The following SNTG2 variants were observed in gnomAD, a reference collection of about 807,000 sequenced individuals.
SNTG2 encodes gamma-2-syntrophin.
SNTG2 carries 74 observed loss-of-function variants against 70.9 expected under a neutral mutation model. The observed-to-expected ratio is 1.04, with a 90% CI of 0.86 to 1.27. SNTG2 has a LOEUF of 1.27. SNTG2 is among the 50% of genes most tolerant of loss of function. SNTG2 has a pLI of 0.00. For synonymous variants in SNTG2, 278 were observed against 273.8 expected (o/e 1.02, Z -0.15); for missense variants, 717 against 690.7 (o/e 1.04, Z -0.43).
At chr2:1,352,578 C>CT (rs1403433233) in intron 16 of SNTG2, among the ~76,000 whole-genome samples, 1 of 152,248 alleles carries the variant, frequency 6.6e-6, no homozygotes, top group Non-Finnish European at 1.5e-5. Context: ...CCAGGAAATG[C>CT]TGTCTCTGCA....
At chr2:992,435 C>T (rs1156680985) in intron 1 of SNTG2, among the ~76,000 whole-genome samples, 1 of 152,012 alleles carries the variant, frequency 6.6e-6, no homozygotes, top group African/African-American at 2.4e-5. Context: ...TTAGTTTTGG[C>T]ACCCTCAGGA....
chr2:1,072,357 T>C (rs1226678661), intron 1 of SNTG2, among the ~76,000 whole-genome samples: 1 of 147,716 alleles, frequency 6.8e-6, no homozygotes, highest in African/African-American at 2.5e-5. Context: ...TTCTTTTTTT[T>C]TTTTTTTTAC....
rs147548812 is a variant in SNTG2, at chr2:954,502, C to G, written c.72+3434C>G. Among the ~76,000 whole-genome samples the G allele has an allele frequency of 8.0e-3, 1,213 of 152,280 alleles. 16 individuals are homozygous for G. The highest frequency in any genetic ancestry group is 0.027 in the African/African-American group (1,116 of 41,546). ...GTGTGTACTTGTCATTGTTGTCCAG[C>G]TGGTTACCGCATGTTGTCATGACTG... On this transcript the variant is annotated intron_variant, in intron 1 of 16. Transcript: ENST00000308624.
At chr2:1,364,728 TA>T (rs1438055806) in intron 16 of SNTG2, among the ~76,000 whole-genome samples, 2 of 76,328 alleles carry the variant, frequency 2.6e-5, no homozygotes, top group Non-Finnish European at 5.1e-5. Context: ...CCATCTCTAC[TA>T]AAAATACCAA....
intron 7 of SNTG2, among the ~76,000 whole-genome samples, chr2:1,169,126 C>T (rs982591071): frequency 5.3e-5 from 8 of 152,152 alleles, no homozygotes; most frequent in Non-Finnish European, 1.2e-4. Context: ...TGAGTGTCTG[C>T]AGATTCTGCA....
rs200657174 is a variant in SNTG2, at chr2:1,120,620, T to TA, written c.326-16998dup. Among the ~76,000 whole-genome samples the TA allele has an allele frequency of 9.3e-3, 1,415 of 152,204 alleles. 16 individuals are homozygous for TA. The highest frequency in any genetic ancestry group is 0.014 in the Admixed American group (216 of 15,294). On this transcript the variant is annotated intron_variant, in intron 4 of 16. Coordinates refer to ENST00000308624, the MANE Select transcript of SNTG2 (RefSeq NM_018968.4). ...AGGGGTAGTTAAACTTAACATCTGA[T>TA]AAAACAGACTTTAAATCAAACTGGT...
chr2:1,207,745 C>T (rs1380312099), intron 8 of SNTG2, among the ~76,000 whole-genome samples: 1 of 152,172 alleles, frequency 6.6e-6, no homozygotes, highest in Non-Finnish European at 1.5e-5. Context: ...GGGGAACCGC[C>T]CCCCGTCTCC....
intron 8 of SNTG2, among the ~76,000 whole-genome samples, chr2:1,193,067 G>A (rs146573126): frequency 1.5e-3 from 234 of 152,308 alleles, no homozygotes; most frequent in African/African-American, 5.2e-3. Flanking sequence ...GAGGATGCCC[G>A]CGGCATGGCA....
intron 16 of SNTG2, among the ~76,000 whole-genome samples, chr2:1,356,299 T>G (rs145958907): frequency 6.6e-6 from 1 of 152,376 alleles, no homozygotes; most frequent in East Asian, 1.9e-4. Context: ...TGTTTTCTTC[T>G]AGAAATTTTA....
intron 1 of SNTG2, among the ~76,000 whole-genome samples, chr2:995,807 T>C (rs187574156): frequency 1.3e-5 from 2 of 152,186 alleles, no homozygotes; most frequent in Non-Finnish European, 2.9e-5. Flanking sequence ...CGCACTTTCT[T>C]TGACTTATTA....
chr2:1,173,657 C>A (rs1468403729), intron 8 of SNTG2, among the ~76,000 whole-genome samples: 3 of 152,268 alleles, frequency 2.0e-5, no homozygotes, highest in Non-Finnish European at 4.4e-5. Context: ...CTCCCTGGGA[C>A]ATGGGGCTCC....
chr2:1,316,506 C>A, intron 16 of SNTG2, 131 bp downstream of exon 16: 1 of 541,696 alleles, frequency 1.8e-6, no homozygotes, highest in Non-Finnish European at 3.3e-6. Flanking sequence ...AAGCACGAGT[C>A]CTTCCTGAAA....
chr2:1,099,918 A>G (rs1030498381), intron 4 of SNTG2, among the ~76,000 whole-genome samples: 2 of 152,212 alleles, frequency 1.3e-5, no homozygotes, highest in African/African-American at 2.4e-5. Context: ...TTTTTGAGCA[A>G]GCTTACAAAC....
chr2:1,086,071 A>C (rs1398230198), intron 2 of SNTG2, among the ~76,000 whole-genome samples: 1 of 152,250 alleles, frequency 6.6e-6, no homozygotes, highest in East Asian at 1.9e-4. Flanking sequence ...TAGTTAAGAC[A>C]GCAATGGGCA....
chr2:1,015,663 G>GA (rs1399127553), intron 1 of SNTG2, among the ~76,000 whole-genome samples: 1 of 152,208 alleles, frequency 6.6e-6, no homozygotes, highest in Non-Finnish European at 1.5e-5. Context: ...CTAGGAGACT[G>GA]AAAAATAAAA....
intron 2 of SNTG2, among the ~76,000 whole-genome samples, chr2:1,095,628 C>A (rs1665342512): frequency 6.6e-6 from 1 of 152,082 alleles, no homozygotes; most frequent in Admixed American, 6.5e-5. Context: ...TTCAGGATAT[C>A]TTCCTGACAT....
At chr2:1,260,855 C>T (rs987319760) in intron 13 of SNTG2, among the ~76,000 whole-genome samples, 1 of 152,196 alleles carries the variant, frequency 6.6e-6, no homozygotes, top group Non-Finnish European at 1.5e-5. Context: ...TTCGCTTCTC[C>T]CCCCTCTTGT....
rs185120417 is a variant in SNTG2 at position 1,200,452 on chromosome 2, G to A, written c.592-8651G>A. On this transcript the variant is annotated intron_variant, in intron 8 of 16. Transcript: ENST00000308624. ...ATAGTAGAAACACTTCAGGACGCTG[G>A]TTTAGGAAAAGATTTTATGACTGAG... Among the ~76,000 whole-genome samples, 185 of 152,046 alleles carry A rather than the reference G, an allele frequency of 1.2e-3. 1 individual carries two copies. The highest frequency in any genetic ancestry group is 4.0e-3 in the African/African-American group (167 of 41,536).
At chr2:1,155,165 G>A (rs1398283959) in intron 6 of SNTG2, among the ~76,000 whole-genome samples, 37 of 14,626 alleles carry the variant, frequency 2.5e-3, no homozygotes, top group African/African-American at 0.012. Context: ...ACACACACAC[G>A]TAGACCCCCC....
Sources: gnomAD v4.1 joint callset for allele counts (sites outside exome capture counted in the v4.1 genomes callset) on GRCh38, gnomAD v4.1.1 for gene constraint, MANE v1.5 for transcripts, NCBI Gene and HGNC (gene_info 2026-07-23, HGNC 2026-07-21) for gene names.